The following XPR1 variants were observed in gnomAD, a reference collection of about 807,000 sequenced individuals.
XPR1 encodes the protein solute carrier family 53 member 1.
In XPR1, 28 loss-of-function variants were observed where a neutral mutation model predicts 87.5. The ratio of observed to expected loss-of-function variants is 0.32; its 90% CI spans 0.24 to 0.44. The LOEUF (loss-of-function observed/expected upper bound fraction) is 0.44, where lower values mean the gene tolerates loss of function less well. Among genes scored for constraint, XPR1 ranks in the 20% least tolerant of loss-of-function variants. The probability of loss-of-function intolerance (pLI) is 1.00; values close to 1 mark genes in which losing one functional copy is unlikely to be tolerated. For synonymous variants in XPR1, 300 were observed against 306.1 expected (o/e 0.98, Z 0.21); for missense variants, 559 against 862.3 (o/e 0.65, Z 4.41).
intron 3 of XPR1, among the ~76,000 whole-genome samples, chr1:180,793,915 TGAAA>T (rs1649475272): frequency 6.6e-6 from 1 of 152,100 alleles, no homozygotes; most frequent in African/African-American, 2.4e-5. Context: ...TTTCTGAGAC[TGAAA>T]GAAAGGATGA....
intron 1 of XPR1, among the ~76,000 whole-genome samples, chr1:180,660,991 A>G (rs1220569360): frequency 6.6e-6 from 1 of 152,160 alleles, no homozygotes; most frequent in African/African-American, 2.4e-5. Flanking sequence ...CTCTCTCTTT[A>G]GCTCTAATAA....
At chr1:180,635,654 A>C (rs1433659344) in intron 1 of XPR1, among the ~76,000 whole-genome samples, 1 of 152,202 alleles carries the variant, frequency 6.6e-6, no homozygotes, top group Non-Finnish European at 1.5e-5. Context: ...CCAGGCAAGG[A>C]AACTAAGGTC....
chr1:180,880,345 G>A (rs771692016), intron 14 of XPR1, 48 bp downstream of exon 14: 1 of 1,601,836 alleles, frequency 6.2e-7, no homozygotes, highest in Admixed American at 1.7e-5. Context: ...TTGAGTTTTA[G>A]CATTGGGTAG....
intron 7 of XPR1, among the ~76,000 whole-genome samples, chr1:180,817,304 A>C (rs1260553827): frequency 6.6e-6 from 1 of 152,100 alleles, no homozygotes; most frequent in Non-Finnish European, 1.5e-5. Context: ...GAAAGAAAAA[A>C]ATTTTTTTAT....
chr1:180,821,272 A>G (rs1274783649), intron 7 of XPR1, among the ~76,000 whole-genome samples: 1 of 152,184 alleles, frequency 6.6e-6, no homozygotes, highest in Non-Finnish European at 1.5e-5. Flanking sequence ...GCATGTGAAT[A>G]TCCAGTTGTC....
At chr1:180,849,933 C>G (rs1651810424) in intron 11 of XPR1, among the ~76,000 whole-genome samples, 1 of 152,170 alleles carries the variant, frequency 6.6e-6, no homozygotes, top group Admixed American at 6.5e-5. Flanking sequence ...CCCAGGAGTT[C>G]CCCACCAACA....
intron 1 of XPR1, among the ~76,000 whole-genome samples, chr1:180,656,619 TTTTA>T (rs1557941829): frequency 6.3e-5 from 7 of 111,652 alleles, no homozygotes; most frequent in African/African-American, 2.3e-4. Context: ...GTATAATATA[TTTTA>T]TATATGTATG....
At chr1:180,810,622 A>G (rs1558019545) in intron 6 of XPR1, among the ~76,000 whole-genome samples, 1 of 152,118 alleles carries the variant, frequency 6.6e-6, no homozygotes, top group Non-Finnish European at 1.5e-5. Flanking sequence ...TGTAAGTACT[A>G]TCAGAAAGTA....
In XPR1 at chr1:180,872,673, G is replaced by A. The variant is rs572158773; in HGVS notation, c.1669-1130G>A. Among the ~76,000 whole-genome samples, 22 of 134,996 alleles carry A rather than the reference G, an allele frequency of 1.6e-4. No individual in the cohort carries two copies. In the South Asian group the frequency reaches 5.5e-3, roughly 33 times the overall value. 88.6% of individuals were successfully genotyped at this position (134,996 alleles called of 152,430 possible). On this transcript the variant is annotated intron_variant, in intron 12 of 14. Transcript: ENST00000367590. The stretch of plus-strand genomic sequence containing the variant: ...TGAGGCAATGCCTCGCCCTGCTTCG[G>A]CTCGCGCACGGTGCGCACACACACT...
chr1:180,786,851 CA>C (rs1649160355), intron 2 of XPR1, among the ~76,000 whole-genome samples: 1 of 152,132 alleles, frequency 6.6e-6, no homozygotes, highest in African/African-American at 2.4e-5. Flanking sequence ...CACATTTGCA[CA>C]ATCATCTACT....
intron 6 of XPR1, among the ~76,000 whole-genome samples, chr1:180,808,283 A>G (rs1020835280): frequency 6.7e-6 from 1 of 150,270 alleles, no homozygotes; most frequent in Non-Finnish European, 1.5e-5. Context: ...TGAATTCCAT[A>G]TACCAAAAAA....
At chr1:180,659,103 C>CCT (rs1268268434) in intron 1 of XPR1, among the ~76,000 whole-genome samples, 1 of 134,128 alleles carries the variant, frequency 7.5e-6, no homozygotes, top group Non-Finnish European at 1.5e-5. Flanking sequence ...TCCCTCCCTC[C>CCT]CTCCCTTCCT....
intron 2 of XPR1, among the ~76,000 whole-genome samples, chr1:180,787,410 G>A (rs1046579486): frequency 6.6e-6 from 1 of 151,734 alleles, no homozygotes; most frequent in African/African-American, 2.4e-5. Flanking sequence ...CTCCAGAGTA[G>A]GTGGGATTAC....
intron 11 of XPR1, among the ~76,000 whole-genome samples, chr1:180,856,688 A>G (rs940249223): frequency 1.3e-5 from 2 of 152,160 alleles, no homozygotes; most frequent in Middle Eastern, 3.2e-3. Context: ...CTCACCTTCA[A>G]AATTTACCAA....
intron 6 of XPR1, among the ~76,000 whole-genome samples, chr1:180,810,654 G>A (rs905701375): frequency 4.6e-5 from 7 of 151,832 alleles, no homozygotes; most frequent in Middle Eastern, 3.4e-3. Context: ...CTCCGTCATC[G>A]TCTCTAATTT....
At chr1:180,659,323 TCTTCCTTCCTTC>T (rs1250686160) in intron 1 of XPR1, among the ~76,000 whole-genome samples, 3 of 138,936 alleles carry the variant, frequency 2.2e-5, no homozygotes, top group East Asian at 2.4e-4. Flanking sequence ...CTGTAGTCTG[TCTTCCTTCCTTC>T]CTTCCGTCCT....
intron 12 of XPR1, among the ~76,000 whole-genome samples, chr1:180,873,363 A>G (rs1242475596): frequency 2.0e-5 from 3 of 152,220 alleles, no homozygotes; most frequent in Non-Finnish European, 2.9e-5. Flanking sequence ...CTTCAAATAC[A>G]GGGTAAGGCA....
chr1:180,719,328 G>GA (rs1553240802), intron 2 of XPR1, among the ~76,000 whole-genome samples: 1 of 149,856 alleles, frequency 6.7e-6, no homozygotes, highest in Non-Finnish European at 1.5e-5. Context: ...AAACAATAAA[G>GA]AAAAAAGTTG....
chr1:180,884,198 A>G lies in XPR1; in HGVS notation c.*132A>G, dbSNP rs1282482305. 8 of 637,430 alleles carry G rather than the reference A, an allele frequency of 1.3e-5. No homozygotes were observed. In the East Asian group the frequency reaches 2.4e-4, roughly 19 times the overall value. 39.5% of individuals were successfully genotyped at this position (637,430 alleles called of 1,614,324 possible). On this transcript the variant is annotated 3_prime_UTR_variant, in exon 15 of 15. Transcript: ENST00000367590. ...TAACACATTTTCCGAGCTCTTCCGG[A>G]TCGGATCCTATGGACTCCAAACAAG...
Sources: gnomAD v4.1 joint callset for allele counts (sites outside exome capture counted in the v4.1 genomes callset) on GRCh38, gnomAD v4.1.1 for gene constraint, MANE v1.5 for transcripts, NCBI Gene and HGNC (gene_info 2026-07-23, HGNC 2026-07-21) for gene names.